UGGT1: variants seen among roughly 807,000 people sequenced by gnomAD.
UGGT1 encodes UDP-glucose glycoprotein glucosyltransferase 1, also known as UDP-glucose:glycoprotein glucosyltransferase 1.
In UGGT1, 107 loss-of-function variants were observed where a neutral mutation model predicts 203.9. That is an observed-to-expected ratio of 0.52 (90% CI 0.45 to 0.62). UGGT1 has a LOEUF of 0.62. Among genes scored for constraint, UGGT1 ranks in the 20% least tolerant of loss-of-function variants. The probability of loss-of-function intolerance (pLI) is 0.00; values close to 1 mark genes in which losing one functional copy is unlikely to be tolerated. For missense variants in UGGT1, 1,673 were observed against 1,867.2 expected, an observed-to-expected ratio of 0.90 and a Z score of 1.92; for synonymous variants, 628 against 653.5, an observed-to-expected ratio of 0.96 and a Z score of 0.59.
chr2:128,094,589 A>G (rs1687020252), intron 1 of UGGT1, among the ~76,000 whole-genome samples: 1 of 152,148 alleles, frequency 6.6e-6, no homozygotes, highest in African/African-American at 2.4e-5. Flanking sequence ...GTACGTAGCA[A>G]ACTCAGGAAT....
In UGGT1 at chr2:128,109,695, A is replaced by C; in HGVS notation, c.470A>C (p.Lys157Thr). 2 of 1,614,164 alleles carry C rather than the reference A, an allele frequency of 1.2e-6. No homozygotes were observed. The highest frequency in any genetic ancestry group is 1.7e-6 in the Non-Finnish European group (2 of 1,180,018). ...CNSFFSVHGKKTCESDTLEAL... is the reference protein window; with the variant it reads ...CNSFFSVHGKTTCESDTLEAL... ...TCGTTTTTTTCAGTGCATGGAAAGA[A>C]GACTTGTGAATCTGATACCCTTGAG... Residue 157 changes from lysine to threonine, a missense_variant, in exon 5 of 41, where the codon AAG becomes ACG. This residue lies in a region of UGGT1 where 1,073 missense variants were observed against 1,078.7 expected (regional missense o/e 0.99). Transcript: ENST00000259253.
At chr2:128,132,936 G>T (rs932901679) in intron 13 of UGGT1, among the ~76,000 whole-genome samples, 3 of 152,154 alleles carry the variant, frequency 2.0e-5, no homozygotes, top group Middle Eastern at 3.4e-3. Context: ...TGAACTCCTG[G>T]GCTCAAGTGA....
chr2:128,195,591 TC>T lies in UGGT1; in HGVS notation c.*5850del, dbSNP rs1692476703. The T allele has an allele frequency of 6.6e-6, 1 of 152,246 alleles. No individual in the cohort carries two copies. Among genetic ancestry groups the T allele is most frequent in the African/African-American group, 2.4e-5 (1 of 41,472 alleles). 9.4% of individuals were successfully genotyped at this position (152,246 alleles called of 1,614,324 possible). A position where few individuals can be genotyped will look rare whatever the true frequency, so the allele number is the denominator to read the frequency against. ...TTAAATGTCTGCAGAATCTCTGCGT[TC>T]GAAGGGAATTGAGAATGAACTTCCT... is the stretch of plus-strand genomic sequence containing the variant. On this transcript the variant is annotated 3_prime_UTR_variant, in exon 41 of 41. Transcript: ENST00000259253.
chr2:128,135,284 A>T (rs1420621711), intron 15 of UGGT1, among the ~76,000 whole-genome samples: 1 of 152,234 alleles, frequency 6.6e-6, no homozygotes, highest in South Asian at 2.1e-4. Context: ...TTCAGCAGAG[A>T]TATAGAGCAT....
chr2:128,186,851 G>A (rs565210766), intron 39 of UGGT1, 52 bp downstream of exon 39: 16 of 1,207,368 alleles, frequency 1.3e-5, no homozygotes, highest in East Asian at 4.9e-5. Flanking sequence ...ATGTGTGAGT[G>A]AATCACGATT....
In UGGT1 at chr2:128,170,305, C is replaced by T. The variant is rs150180993; in HGVS notation, c.2939C>T (p.Pro980Leu). Residue 980 changes from proline (P) to leucine (L), a missense_variant, in exon 27 of 41, where the codon CCG becomes CTG. Transcript: ENST00000259253. Reference sequence around the variant, plus strand: ...TCTTTCAGTGCAATCAAACTGAGGCCGAAGGAAGGGGAGACATACTTTGAT... The same window carrying T: ...TCTTTCAGTGCAATCAAACTGAGGCTGAAGGAAGGGGAGACATACTTTGAT... ...EDRHSAIKLR[P>L]KEGETYFDVV... 1.5e-5 allele frequency: 25 copies of T among 1,613,994 alleles called. No individual in the cohort carries two copies. The highest frequency in any genetic ancestry group is 2.2e-5 in the East Asian group (1 of 44,892).
intron 6 of UGGT1, 48 bp from the exon 7 acceptor site, chr2:128,115,076 C>T (rs771467171): frequency 6.4e-7 from 1 of 1,554,202 alleles, no homozygotes; most frequent in South Asian, 1.1e-5. Flanking sequence ...TACACTGTGA[C>T]ATAGAAAGAG....
chr2:128,133,893 CA>C (rs1689000801), intron 14 of UGGT1, among the ~76,000 whole-genome samples: 1 of 152,020 alleles, frequency 6.6e-6, no homozygotes, highest in Non-Finnish European at 1.5e-5. Context: ...GAGGGTTCTT[CA>C]TTGGCCCACT....
intron 30 of UGGT1, 108 bp downstream of exon 30, chr2:128,174,047 C>A: frequency 7.6e-7 from 1 of 1,309,760 alleles, no homozygotes; most frequent in Non-Finnish European, 1.1e-6. Context: ...GATTAAAATT[C>A]ATTATGGGCT....
chr2:128,135,225 A>T (rs1689078056), intron 15 of UGGT1, among the ~76,000 whole-genome samples: 4 of 152,216 alleles, frequency 2.6e-5, no homozygotes, highest in Admixed American at 2.6e-4. Flanking sequence ...TTCCCAATGG[A>T]AGGGAATTTT....
chr2:128,181,341 A>T (rs1691679192), intron 36 of UGGT1, among the ~76,000 whole-genome samples: 1 of 152,240 alleles, frequency 6.6e-6, no homozygotes, highest in Admixed American at 6.5e-5. Flanking sequence ...ATGAAAACTA[A>T]AAATTAGAAA....
At chr2:128,155,614 G>A in intron 20 of UGGT1, 27 bp downstream of exon 20, 1 of 1,552,862 alleles carries the variant, frequency 6.4e-7, no homozygotes, top group Non-Finnish European at 8.8e-7. Context: ...TTATTATCTT[G>A]CATTCAACAT....
intron 32 of UGGT1, among the ~76,000 whole-genome samples, chr2:128,177,555 A>C (rs1028672976): frequency 4.6e-5 from 7 of 151,186 alleles, no homozygotes; most frequent in Non-Finnish European, 4.4e-5. Context: ...TTCACTGCAC[A>C]GTTGAGTTTG....
chr2:128,096,541 GTC>G (rs1558744586), intron 1 of UGGT1, among the ~76,000 whole-genome samples: 1 of 152,166 alleles, frequency 6.6e-6, no homozygotes, highest in African/African-American at 2.4e-5. Flanking sequence ...GGTCTCCTGT[GTC>G]TCTACATAGT....
intron 9 of UGGT1, among the ~76,000 whole-genome samples, 194 bp downstream of exon 9, chr2:128,120,650 A>G (rs1299192041): frequency 1.3e-5 from 2 of 152,238 alleles, no homozygotes; most frequent in Non-Finnish European, 2.9e-5. Context: ...CACTAGGTAG[A>G]AGTAATATAT....
intron 12 of UGGT1, among the ~76,000 whole-genome samples, chr2:128,128,280 T>TTTTTAA (rs1309195499): frequency 1.3e-5 from 2 of 151,694 alleles, no homozygotes; most frequent in African/African-American, 2.4e-5. Flanking sequence ...AAAAGAAATT[T>TTTTTAA]TTTTAATCAC....
intron 35 of UGGT1, among the ~76,000 whole-genome samples, chr2:128,180,542 C>CT (rs1691640057): frequency 6.6e-6 from 1 of 152,202 alleles, no homozygotes; most frequent in African/African-American, 2.4e-5. Flanking sequence ...TCGAGGAAGG[C>CT]TTGTCATCAA....
intron 30 of UGGT1, 89 bp from the exon 31 acceptor site, chr2:128,174,684 T>G (rs1294201815): frequency 2.7e-6 from 3 of 1,091,198 alleles, no homozygotes; most frequent in African/African-American, 3.2e-5. Context: ...TATAGTTGAT[T>G]GATATTTCAG....
intron 11 of UGGT1, among the ~76,000 whole-genome samples, chr2:128,125,152 G>T (rs572516055): frequency 1.3e-5 from 2 of 152,162 alleles, no homozygotes; most frequent in Non-Finnish European, 2.9e-5. Flanking sequence ...AGGGAAGAGC[G>T]TTTGGTGACT....
Sources: gnomAD v4.1 joint callset for allele counts (sites outside exome capture counted in the v4.1 genomes callset) on GRCh38, gnomAD v4.1.1 for gene constraint, gnomAD v4.1.1 regional missense constraint, MANE v1.5 for transcripts, NCBI Gene and HGNC (gene_info 2026-07-23, HGNC 2026-07-21) for gene names.